The following OCIAD1 variants were observed in gnomAD, a reference collection of about 807,000 sequenced individuals.
OCIAD1 encodes the protein OCIA domain containing 1.
A neutral mutation model predicts 38.9 loss-of-function variants in OCIAD1; 29 were observed. The ratio of observed to expected loss-of-function variants is 0.74; its 90% CI spans 0.55 to 1.02. The LOEUF is 1.02. Among genes scored for constraint, OCIAD1 ranks in the 50% least tolerant of loss-of-function variants. The probability of loss-of-function intolerance (pLI) is 0.00; values close to 1 mark genes in which losing one functional copy is unlikely to be tolerated. For missense variants in OCIAD1, 288 were observed against 289.6 expected, an observed-to-expected ratio of 0.99 and a Z score of 0.04; for synonymous variants, 110 against 92.0, an observed-to-expected ratio of 1.20 and a Z score of -1.12.
intron 6 of OCIAD1, 91 bp from the exon 7 acceptor site, chr4:48,851,715 A>T: frequency 1.6e-6 from 1 of 634,508 alleles, no homozygotes; most frequent in Non-Finnish European, 2.6e-6. Context: ...TAATTTTGGA[A>T]ATAAGCTATA....
intron 1 of OCIAD1, among the ~76,000 whole-genome samples, chr4:48,819,950 TG>T (rs1353356327): frequency 6.6e-6 from 1 of 152,066 alleles, no homozygotes; most frequent in African/African-American, 2.4e-5. Context: ...GCAATAATAA[TG>T]GGAGACTTTA....
At chr4:48,822,499 A>C (rs1177630378) in intron 1 of OCIAD1, among the ~76,000 whole-genome samples, 6 of 152,338 alleles carry the variant, frequency 3.9e-5, no homozygotes, top group Non-Finnish European at 2.9e-5. Flanking sequence ...AGACTTCATG[A>C]CTAAAACACA....
chr4:48,818,259 A>G (rs1211254111), intron 1 of OCIAD1, among the ~76,000 whole-genome samples: 1 of 152,198 alleles, frequency 6.6e-6, no homozygotes, highest in Non-Finnish European at 1.5e-5. Context: ...TGCAGGCTCT[A>G]CTGGTGATAC....
Position 48,850,012 on chromosome 4 carries a change from A to G in OCIAD1, c.307A>G (p.Lys103Glu). Residue 103 changes from lysine to glutamate, a missense_variant, in exon 6 of 9, where the codon AAG becomes GAG. Physicochemically the swap from Lys to Glu is moderately conservative, Grantham distance 56. Coordinates refer to ENST00000264312, the MANE Select transcript of OCIAD1 (RefSeq NM_017830.4). ...SYVKTCQEKF[K>E]KLENSPLGEA... ...TGTGAAAACTTGCCAAGAGAAATTCAAGAAACTTGAAAATTCCCCCCTTGG... is the reference window on the plus strand; with the variant it reads ...TGTGAAAACTTGCCAAGAGAAATTCGAGAAACTTGAAAATTCCCCCCTTGG... The G allele has an allele frequency of 6.2e-7, 1 of 1,613,638 alleles. No homozygotes were observed. The highest frequency in any genetic ancestry group is 1.7e-5 in the Admixed American group (1 of 59,946).
chr4:48,816,163 C>T (rs1777139835), intron 1 of OCIAD1, among the ~76,000 whole-genome samples: 2 of 152,198 alleles, frequency 1.3e-5, no homozygotes, highest in Non-Finnish European at 2.9e-5. Flanking sequence ...GACTTATCCA[C>T]CTGTGCATTT....
upstream of OCIAD1, among the ~76,000 whole-genome samples, chr4:48,829,663 C>T (rs1560411660): frequency 1.3e-5 from 2 of 152,148 alleles, no homozygotes; most frequent in African/African-American, 2.4e-5. Context: ...CAAAAAGCCA[C>T]GTTGAACATC....
intron 1 of OCIAD1, among the ~76,000 whole-genome samples, chr4:48,813,115 G>A (rs1022983179): frequency 3.9e-5 from 6 of 152,160 alleles, no homozygotes; most frequent in South Asian, 2.1e-4. Flanking sequence ...GGCATGATGC[G>A]GGATGGATGT....
At chr4:48,847,360 T>A (rs1232777530) in intron 4 of OCIAD1, among the ~76,000 whole-genome samples, 1 of 152,196 alleles carries the variant, frequency 6.6e-6, no homozygotes, top group Non-Finnish European at 1.5e-5. Flanking sequence ...TTGTCAGATA[T>A]AGATATGGTG....
intron 8 of OCIAD1, chr4:48,860,017 C>T (rs1461534811): frequency 1.3e-5 from 2 of 152,106 alleles, no homozygotes; most frequent in Admixed American, 1.3e-4. Context: ...CATGTATTCC[C>T]TGAAGAGTCC....
At chr4:48,817,212 G>A (rs953829455) in intron 1 of OCIAD1, among the ~76,000 whole-genome samples, 15 of 152,190 alleles carry the variant, frequency 9.9e-5, no homozygotes, top group Non-Finnish European at 1.5e-5. Context: ...CCCTAGCCAA[G>A]GGAAGCCATG....
intron 3 of OCIAD1, among the ~76,000 whole-genome samples, chr4:48,836,927 G>A (rs970999966): frequency 2.6e-5 from 4 of 152,208 alleles, no homozygotes; most frequent in African/African-American, 9.6e-5. Context: ...TCATCATAAA[G>A]TAAGGGCTTC....
At position 48,833,400 on chromosome 4, in the gene OCIAD1, G is replaced by T; in HGVS notation, c.59-1G>T. Reference sequence around the variant, plus strand: ...GTTTTCTGATTTTCCCTGGTAAAAAGACATAGGGCCTGATTACATTCCAAC... The same window carrying T: ...GTTTTCTGATTTTCCCTGGTAAAAATACATAGGGCCTGATTACATTCCAAC... On this transcript the variant is annotated splice_acceptor_variant, in intron 2 of 8. Transcript: ENST00000264312. LOFTEE classifies it high-confidence loss of function. 1 of 1,560,746 alleles carries T rather than the reference G, an allele frequency of 6.4e-7. No homozygotes were observed. Among genetic ancestry groups the T allele is most frequent in the Non-Finnish European group, 8.8e-7 (1 of 1,139,560 alleles).
chr4:48,842,785 T>G (rs1778652426), intron 4 of OCIAD1, 96 bp downstream of exon 4: 1 of 666,326 alleles, frequency 1.5e-6, no homozygotes, highest in Non-Finnish European at 2.5e-6. Flanking sequence ...GATAACAATG[T>G]ATCATATTAA....
intron 4 of OCIAD1, among the ~76,000 whole-genome samples, chr4:48,844,049 G>A (rs1778765354): frequency 6.6e-6 from 1 of 152,174 alleles, no homozygotes; most frequent in Non-Finnish European, 1.5e-5. Flanking sequence ...TTGTAGGGCT[G>A]TTGTAATCAA....
intron 1 of OCIAD1, chr4:48,831,450 C>G: frequency 7.9e-7 from 1 of 1,272,090 alleles, no homozygotes; most frequent in South Asian, 1.2e-5. Context: ...TGGGGAAGTT[C>G]GTGGTCACGG....
intron 3 of OCIAD1, among the ~76,000 whole-genome samples, chr4:48,836,338 T>C (rs1450561873): frequency 6.6e-6 from 1 of 152,038 alleles, no homozygotes; most frequent in African/African-American, 2.4e-5. Context: ...AGGGAGGTAA[T>C]AGCTTTAAGA....
In OCIAD1 at chr4:48,860,794, A is replaced by G. The variant is rs1204363082; in HGVS notation, c.*32A>G. 11 of 1,535,994 alleles carry G rather than the reference A, an allele frequency of 7.2e-6. No homozygotes were observed. Among genetic ancestry groups the G allele is most frequent in the Non-Finnish European group, 9.9e-6 (11 of 1,110,484 alleles). ...ACATCATTGGACATGAAGGAGTTTC[A>G]ACATCCAGCTTCATCTAGGTGGTCA... On this transcript the variant is annotated 3_prime_UTR_variant, in exon 9 of 9. Transcript: ENST00000264312.
At chr4:48,852,977 G>A (rs1779669471) in intron 7 of OCIAD1, among the ~76,000 whole-genome samples, 1 of 145,664 alleles carries the variant, frequency 6.9e-6, no homozygotes, top group African/African-American at 2.6e-5. Flanking sequence ...CGCCCCCCCA[G>A]CTTCACGCCA....
chr4:48,829,847 T>C (rs1019557226), upstream of OCIAD1, among the ~76,000 whole-genome samples: 4 of 152,216 alleles, frequency 2.6e-5, no homozygotes, highest in Admixed American at 6.5e-5. Flanking sequence ...AAAGGAGCTC[T>C]GTAACAGAGA....
Sources: allele counts gnomAD v4.1 joint callset (sites outside exome capture counted in the v4.1 genomes callset), GRCh38; gene constraint gnomAD v4.1.1; transcripts MANE v1.5; gene names NCBI Gene and HGNC (gene_info 2026-07-23, HGNC 2026-07-21).